NAPA: variants seen among roughly 807,000 people sequenced by gnomAD.
The protein encoded by NAPA is NSF attachment protein alpha.
NAPA carries 18 observed loss-of-function variants against 48.0 expected under a neutral mutation model. The ratio of observed to expected loss-of-function variants is 0.38; its 90% CI spans 0.26 to 0.56. The LOEUF (loss-of-function observed/expected upper bound fraction) is 0.56. Ranked by LOEUF, NAPA falls within the 20% of genes least tolerant of loss-of-function variation. The probability of loss-of-function intolerance (pLI) is 0.77; values close to 1 mark genes in which losing one functional copy is unlikely to be tolerated. For missense variants in NAPA, 315 were observed against 385.0 expected (o/e 0.82, Z 1.52); for synonymous variants, 152 against 149.9 (o/e 1.01, Z -0.10).
In NAPA at chr19:47,506,149, C is replaced by A. The variant is rs1274367576; in HGVS notation, c.99-2647G>T. Among the ~76,000 whole-genome samples the A allele has an allele frequency of 6.6e-6, 1 of 152,018 alleles. No individual in the cohort carries two copies. Among genetic ancestry groups the A allele is most frequent in the Non-Finnish European group, 1.5e-5 (1 of 67,988 alleles). On this transcript the variant is annotated intron_variant, in intron 1 of 10. Coordinates refer to ENST00000263354, the MANE Select transcript of NAPA (RefSeq NM_003827.4). The surrounding 1 kb of genome is among the most constrained non-coding windows in gnomAD (Gnocchi z 4.0). ...AGTAGCTGGGATTACAGATGTGTGC[C>A]ATCACACCCTACTAATTTTTGTATT...
At position 47,493,097 on chromosome 19, in the gene NAPA, G is replaced by A. The variant is rs201854815; in HGVS notation, c.476+22C>T. ...AGTGGTGGCGGTCCCTGCGGGGCTG[G>A]GGCAGGCAGGAAGGGGGCTACCTGT... On this transcript the variant is annotated intron_variant, in intron 6 of 10. Coordinates refer to ENST00000263354, the MANE Select transcript of NAPA (RefSeq NM_003827.4). The surrounding 1 kb of genome is among the most constrained non-coding windows in gnomAD (Gnocchi z 6.4). 17 of 1,613,990 alleles carry A rather than the reference G, an allele frequency of 1.1e-5. No individual in the cohort carries two copies. The highest frequency in any genetic ancestry group is 6.7e-5 in the Admixed American group (4 of 60,010).
chr19:47,490,216 CAT>C lies in NAPA; in HGVS notation c.736-457_736-456del, dbSNP rs765768556. On this transcript the variant is annotated intron_variant, in intron 9 of 10. Coordinates refer to ENST00000263354, the MANE Select transcript of NAPA (RefSeq NM_003827.4). Reference sequence around the variant, plus strand: ...TGCAATGTGTGTGTGTGGGGTGTGTCATGTGTGGTGTGTGTGCAGTGTGTTTT... The same window carrying C: ...TGCAATGTGTGTGTGTGGGGTGTGTCGTGTGGTGTGTGTGCAGTGTGTTTT... Among the ~76,000 whole-genome samples, 498 of 99,280 alleles carry C rather than the reference CAT, an allele frequency of 5.0e-3. 3 individuals carry two copies. The highest frequency in any genetic ancestry group is 0.018 in the African/African-American group (439 of 24,368). The allele number at this position is 99,280 out of a possible 152,430, so 65.1% of individuals were successfully genotyped here.
At chr19:47,510,043 T>G (rs553061654) in intron 1 of NAPA, among the ~76,000 whole-genome samples, 66 of 152,360 alleles carry the variant, frequency 4.3e-4, no homozygotes, top group Admixed American at 1.2e-3. Flanking sequence ...AGAAACCTTG[T>G]GTGCCCTCAG....
At chr19:47,484,662 G>C (rs1489754147), downstream of NAPA, 1 of 158,204 alleles carries the variant, frequency 6.3e-6, no homozygotes, top group Admixed American at 6.3e-5. Context: ...CTAGTAACGA[G>C]CGGTCAGTAC....
At chr19:47,495,475 T>C (rs1221245402) in intron 4 of NAPA, 75 bp downstream of exon 4, 1 of 1,462,580 alleles carries the variant, frequency 6.8e-7, no homozygotes, top group Non-Finnish European at 9.6e-7. Flanking sequence ...GTGCTGGGGG[T>C]GCTGAAAGAG....
Position 47,515,047 on chromosome 19 carries a change from A to ACGTCGCACCGGCGCG in NAPA, c.-122_-108dup. Reference sequence around the variant, plus strand: ...CGGTAAAACTCGCCCGGCTGCGTTGACGTCGCACCGGCGCGCGTCGCTTGC... The same window carrying ACGTCGCACCGGCGCG: ...CGGTAAAACTCGCCCGGCTGCGTTGACGTCGCACCGGCGCGCGTCGCACCGGCGCGCGTCGCTTGC... On this transcript the variant is annotated 5_prime_UTR_variant, in exon 1 of 11. Transcript: ENST00000263354. The ACGTCGCACCGGCGCG allele has an allele frequency of 8.7e-7, 1 of 1,144,230 alleles. No homozygotes were observed. Among genetic ancestry groups the ACGTCGCACCGGCGCG allele is most frequent in the Non-Finnish European group, 1.2e-6 (1 of 807,522 alleles). The allele number at this position is 1,144,230 out of a possible 1,614,324, so 70.9% of individuals were successfully genotyped here. A position where few individuals can be genotyped will look rare whatever the true frequency, so the allele number is the denominator to read the frequency against.
intron 4 of NAPA, among the ~76,000 whole-genome samples, chr19:47,494,431 G>A (rs904269139): frequency 3.9e-5 from 6 of 152,136 alleles, no homozygotes; most frequent in East Asian, 1.9e-4. Flanking sequence ...GACAGACAGG[G>A]CAAGCGGAGA....
At chr19:47,492,494 C>T (rs1356649812) in intron 7 of NAPA, 1 of 390,508 alleles carries the variant, frequency 2.6e-6, no homozygotes, top group Non-Finnish European at 4.9e-6. Flanking sequence ...CCGCCCCTCT[C>T]TCCCAGGGGG....
intron 1 of NAPA, among the ~76,000 whole-genome samples, chr19:47,508,463 C>A (rs1159698212): frequency 6.6e-6 from 1 of 152,238 alleles, no homozygotes; most frequent in Admixed American, 6.5e-5. Context: ...CATCTCTCCA[C>A]AAGCCCCAGT....
intron 1 of NAPA, among the ~76,000 whole-genome samples, chr19:47,504,218 AC>A (rs1269874322): frequency 6.6e-6 from 1 of 151,866 alleles, no homozygotes; most frequent in African/African-American, 2.4e-5. Flanking sequence ...ACACGGCAAA[AC>A]CCCAACTCTA....
At chr19:47,509,338 AT>A in intron 1 of NAPA, among the ~76,000 whole-genome samples, 1 of 143,944 alleles carries the variant, frequency 6.9e-6, no homozygotes, top group African/African-American at 2.5e-5. Flanking sequence ...ATAAAATAAA[AT>A]AAAATAAAAT....
intron 2 of NAPA, among the ~76,000 whole-genome samples, chr19:47,502,018 G>A (rs1375111459): frequency 2.6e-5 from 4 of 151,926 alleles, no homozygotes; most frequent in Non-Finnish European, 5.9e-5. Context: ...CGAGGTGGGC[G>A]GATCACGAGA....
At chr19:47,504,376 C>T (rs998428047) in intron 1 of NAPA, among the ~76,000 whole-genome samples, 5 of 120,184 alleles carry the variant, frequency 4.2e-5, no homozygotes, top group East Asian at 4.9e-4. Context: ...GCCTGGACGA[C>T]GACAGAGCCA....
chr19:47,509,433 G>C (rs979240780), intron 1 of NAPA, among the ~76,000 whole-genome samples: 1 of 152,178 alleles, frequency 6.6e-6, no homozygotes, highest in South Asian at 2.1e-4. Flanking sequence ...GTGCCAGCCT[G>C]CGTTTCCTTA....
At position 47,490,811 on chromosome 19, in the gene NAPA, A is replaced by G; in HGVS notation, c.712T>C (p.Ser238Pro). 6.2e-7 allele frequency: 1 copy of G among 1,613,820 alleles called. No individual in the cohort carries two copies. The highest frequency in any genetic ancestry group is 8.5e-7 in the Non-Finnish European group (1 of 1,179,864). Residue 238 changes from serine (S) to proline (P), a missense_variant, in exon 9 of 11, where the codon TCC (serine) becomes CCC (proline). Physicochemically the swap from Ser to Pro is moderately conservative, Grantham distance 74. Transcript: ENST00000263354. Reference protein sequence around the residue: ...YEELFPAFSDSRECKLMKKLL... With the variant: ...YEELFPAFSDPRECKLMKKLL... ...ACTTTCATCAACTTGCATTCCCGGG[A>G]ATCAGAGAAAGCTGGGAACAGCTCC...
chr19:47,505,841 G>T (rs1968682486), intron 1 of NAPA, among the ~76,000 whole-genome samples: 1 of 152,020 alleles, frequency 6.6e-6, no homozygotes, highest in Admixed American at 6.6e-5. Context: ...GCCTTCTGGG[G>T]CTGTGCTGAT....
At chr19:47,502,405 A>G (rs972552353) in intron 2 of NAPA, among the ~76,000 whole-genome samples, 5 of 152,102 alleles carry the variant, frequency 3.3e-5, no homozygotes, top group South Asian at 4.1e-4. Flanking sequence ...CTCTAGAGGA[A>G]TTTTCTAAGT....
rs1043258279 is a variant in NAPA at position 47,493,605 on chromosome 19, T to C, written c.343-112A>G. On this transcript the variant is annotated intron_variant, in intron 4 of 10. Coordinates refer to ENST00000263354, the MANE Select transcript of NAPA (RefSeq NM_003827.4). This position sits in a 1 kb window ranked among gnomAD's most constrained non-coding sequence, Gnocchi z 6.4. ...CCTCAGCCACGCCTGTGAGGAGGTA[T>C]GAAGAAGACCTGAGGTGTGAAGAAG... The C allele has an allele frequency of 1.3e-5, 11 of 878,062 alleles. No individual in the cohort carries two copies. Among genetic ancestry groups the C allele is most frequent in the Middle Eastern group, 2.2e-4 (1 of 4,544 alleles). 54.4% of individuals were successfully genotyped at this position (878,062 alleles called of 1,614,324 possible). A position where few individuals can be genotyped will look rare whatever the true frequency, so the allele number is the denominator to read the frequency against.
intron 8 of NAPA, 134 bp from the exon 9 acceptor site, chr19:47,490,990 G>A: frequency 2.9e-6 from 2 of 687,908 alleles, no homozygotes; most frequent in Non-Finnish European, 5.0e-6. Flanking sequence ...AGCCTCAGGT[G>A]TCACCTGGCT....
Sources: gnomAD v4.1 joint callset for allele counts (sites outside exome capture counted in the v4.1 genomes callset) on GRCh38, gnomAD v4.1.1 for gene constraint, Gnocchi (gnomAD v3.1) non-coding constraint, MANE v1.5 for transcripts, NCBI Gene and HGNC (gene_info 2026-07-23, HGNC 2026-07-21) for gene names.